The following PAK2 variants were observed in gnomAD, a reference collection of about 807,000 sequenced individuals.
PAK2 encodes the protein p21 (RAC1) activated kinase 2, also known as serine/threonine-protein kinase PAK 2.
In PAK2, 21 loss-of-function variants were observed where a neutral mutation model predicts 65.9. That is an observed-to-expected ratio of 0.32 (90% CI 0.23 to 0.46). PAK2 has a LOEUF of 0.46. Ranked by LOEUF, PAK2 falls within the 20% of genes least tolerant of loss-of-function variation. PAK2 has a pLI of 1.00. For missense variants in PAK2, 324 were observed against 642.6 expected (o/e 0.50, Z 5.36); for synonymous variants, 204 against 219.7 (o/e 0.93, Z 0.63).
intron 1 of PAK2, among the ~76,000 whole-genome samples, chr3:196,753,578 C>A (rs1382546677): frequency 6.6e-6 from 1 of 152,156 alleles, no homozygotes; most frequent in Non-Finnish European, 1.5e-5. Flanking sequence ...TTGCTCATTG[C>A]CAGCTTTCTG....
At chr3:196,761,877 G>A (rs1351389809) in intron 1 of PAK2, among the ~76,000 whole-genome samples, 13 of 149,128 alleles carry the variant, frequency 8.7e-5, no homozygotes, top group Admixed American at 4.7e-4. Context: ...GCTGCCGGAC[G>A]GAGACGCTCC....
At chr3:196,816,224 A>G (rs564885382) in intron 11 of PAK2, among the ~76,000 whole-genome samples, 35 of 152,278 alleles carry the variant, frequency 2.3e-4, no homozygotes, top group Admixed American at 1.8e-3. Context: ...TTGTTCATGT[A>G]AGGATGATAC....
At chr3:196,825,667 T>A (rs1264967113) in intron 13 of PAK2, among the ~76,000 whole-genome samples, 3 of 151,810 alleles carry the variant, frequency 2.0e-5, no homozygotes. Context: ...AATAAATAAA[T>A]AAATAAAATT....
chr3:196,811,332 C>CTTT, intron 8 of PAK2, among the ~76,000 whole-genome samples: 2 of 78,482 alleles, frequency 2.5e-5, no homozygotes, highest in African/African-American at 5.2e-5. Context: ...CCTTCCCTTC[C>CTTT]CTCCCTTCCC....
At chr3:196,758,925 T>C (rs1296482887) in intron 1 of PAK2, among the ~76,000 whole-genome samples, 1 of 152,190 alleles carries the variant, frequency 6.6e-6, no homozygotes, top group East Asian at 1.9e-4. Context: ...GCCAAAGTGC[T>C]GGCATTACAG....
At chr3:196,751,112 T>G (rs1052161215) in intron 1 of PAK2, among the ~76,000 whole-genome samples, 10 of 152,202 alleles carry the variant, frequency 6.6e-5, no homozygotes, top group African/African-American at 2.4e-4. Flanking sequence ...TTCTGGATAT[T>G]TCTTATAACT....
At chr3:196,747,507 T>C (rs1382088179) in intron 1 of PAK2, among the ~76,000 whole-genome samples, 1 of 152,206 alleles carries the variant, frequency 6.6e-6, no homozygotes, top group East Asian at 1.9e-4. Flanking sequence ...GATAATTCTA[T>C]TCACTCATAT....
chr3:196,816,181 A>G (rs1014405930), intron 11 of PAK2, among the ~76,000 whole-genome samples: 4 of 152,200 alleles, frequency 2.6e-5, no homozygotes, highest in African/African-American at 9.6e-5. Context: ...TTTGGCTTTC[A>G]GCAGTTCTTC....
At chr3:196,742,099 CTTT>C (rs60738699) in intron 1 of PAK2, among the ~76,000 whole-genome samples, 1 of 129,004 alleles carries the variant, frequency 7.8e-6, no homozygotes, top group Non-Finnish European at 1.6e-5. Context: ...ATTAATATTT[CTTT>C]TTTTTTTTTT....
intron 1 of PAK2, among the ~76,000 whole-genome samples, chr3:196,767,580 C>G (rs999080296): frequency 7.2e-5 from 11 of 152,166 alleles, no homozygotes; most frequent in African/African-American, 2.7e-4. Context: ...CCTCCGCCTC[C>G]CGGGTTCACG....
At chr3:196,763,872 C>T (rs942750363) in intron 1 of PAK2, among the ~76,000 whole-genome samples, 3 of 152,108 alleles carry the variant, frequency 2.0e-5, no homozygotes, top group Admixed American at 2.0e-4. Context: ...GATCACGGCT[C>T]ACTGCAAGCT....
intron 1 of PAK2, among the ~76,000 whole-genome samples, chr3:196,767,633 T>C (rs1309627984): frequency 6.6e-6 from 1 of 151,710 alleles, no homozygotes; most frequent in African/African-American, 2.4e-5. Flanking sequence ...GGACTACAGG[T>C]GACCGCCACC....
intron 1 of PAK2, among the ~76,000 whole-genome samples, chr3:196,761,193 G>A (rs1713950850): frequency 8.0e-6 from 1 of 125,534 alleles, no homozygotes; most frequent in South Asian, 2.8e-4. Context: ...ATTCTTGGGT[G>A]TTTCTCACAG....
intron 1 of PAK2, among the ~76,000 whole-genome samples, chr3:196,759,245 A>AT (rs1713865803): frequency 6.6e-6 from 1 of 152,074 alleles, no homozygotes; most frequent in South Asian, 2.1e-4. Flanking sequence ...TCTTCAGATT[A>AT]TTTCTAGAAC....
At chr3:196,802,318 T>C (rs1715444564) in intron 3 of PAK2, among the ~76,000 whole-genome samples, 1 of 151,938 alleles carries the variant, frequency 6.6e-6, no homozygotes, top group South Asian at 2.1e-4. Flanking sequence ...GGGGAATCAT[T>C]TGAACCTCGG....
intron 2 of PAK2, among the ~76,000 whole-genome samples, chr3:196,796,047 C>T (rs1469489964): frequency 6.6e-6 from 1 of 152,222 alleles, no homozygotes; most frequent in African/African-American, 2.4e-5. Flanking sequence ...AGGGCTCACG[C>T]TATGCGGTCC....
chr3:196,810,481 T>G, intron 7 of PAK2, 109 bp from the exon 8 acceptor site: 1 of 714,794 alleles, frequency 1.4e-6, no homozygotes, highest in Non-Finnish European at 2.5e-6. Context: ...AGTATTATGT[T>G]TGAAAATCAC....
At position 196,806,563 on chromosome 3, in the gene PAK2, C is replaced by G; in HGVS notation, c.469-16C>G. 6.7e-7 allele frequency: 1 copy of G among 1,492,794 alleles called. No homozygotes were observed. The highest frequency in any genetic ancestry group is 9.3e-7 in the Non-Finnish European group (1 of 1,069,540). The allele number at this position is 1,492,794 out of a possible 1,614,324, so 92.5% of individuals were successfully genotyped here. A position where few individuals can be genotyped will look rare whatever the true frequency, so the allele number is the denominator to read the frequency against. On this transcript the variant is annotated splice_polypyrimidine_tract_variant and intron_variant, in intron 5 of 14. Coordinates refer to ENST00000327134, the MANE Select transcript of PAK2 (RefSeq NM_002577.4). ...TATTGGACTTGTTTTCCTTACTTTGCTCATCATCAATGCAGCTGAATGCCA... is the reference window on the plus strand; with the variant it reads ...TATTGGACTTGTTTTCCTTACTTTGGTCATCATCAATGCAGCTGAATGCCA...
intron 7 of PAK2, 200 bp downstream of exon 7, chr3:196,808,114 TC>T: frequency 2.2e-6 from 1 of 453,420 alleles, no homozygotes; most frequent in Non-Finnish European, 3.9e-6. Flanking sequence ...GGTCAGGAGA[TC>T]AAGACCAGCC....
Sources: allele counts gnomAD v4.1 joint callset (sites outside exome capture counted in the v4.1 genomes callset), GRCh38; gene constraint gnomAD v4.1.1; transcripts MANE v1.5; gene names NCBI Gene and HGNC (gene_info 2026-07-23, HGNC 2026-07-21).